UBAC2: variants seen among roughly 807,000 people sequenced by gnomAD.
The protein encoded by UBAC2 is UBA domain containing 2, also known as ubiquitin-associated domain-containing protein 2.
UBAC2 carries 26 observed loss-of-function variants against 44.0 expected under a neutral mutation model. The observed-to-expected ratio is 0.59, with a 90% CI of 0.43 to 0.82. The LOEUF (loss-of-function observed/expected upper bound fraction) is 0.82, where lower values mean the gene tolerates loss of function less well. Among genes scored for constraint, UBAC2 ranks in the 40% least tolerant of loss-of-function variants. UBAC2 has a pLI of 0.00. For missense variants in UBAC2, 329 were observed against 419.4 expected, an observed-to-expected ratio of 0.78 and a Z score of 1.88; for synonymous variants, 155 against 154.3, an observed-to-expected ratio of 1.00 and a Z score of -0.04.
intron 4 of UBAC2, among the ~76,000 whole-genome samples, chr13:99,244,999 A>C (rs1051175951): frequency 6.6e-6 from 1 of 151,858 alleles, no homozygotes; most frequent in South Asian, 2.1e-4. Flanking sequence ...TGCCTGGCTA[A>C]TTTTTGTATT....
rs145840529 is a variant in UBAC2, at chr13:99,370,331, A to G, written c.927+2425A>G. ...AGAAAGCAGCTATGGCCAAATAACAATTGGTGAATCTGGTTAAGGAGGAAT... is the reference window on the plus strand; with the variant it reads ...AGAAAGCAGCTATGGCCAAATAACAGTTGGTGAATCTGGTTAAGGAGGAAT... On this transcript the variant is annotated intron_variant, in intron 8 of 8. Coordinates refer to ENST00000403766, the MANE Select transcript of UBAC2 (RefSeq NM_001144072.2). Among the ~76,000 whole-genome samples the G allele has an allele frequency of 4.4e-3, 669 of 152,324 alleles. 6 individuals are homozygous for G. The highest frequency in any genetic ancestry group is 0.027 in the South Asian group (132 of 4,826).
chr13:99,254,969 G>A lies in UBAC2; in HGVS notation c.389+10345G>A, dbSNP rs367603189. 3.7e-6 allele frequency: 6 copies of A among 1,614,084 alleles called. No individual in the cohort carries two copies. In the Admixed American group the frequency reaches 1.0e-4, roughly 27 times the overall value. On this transcript the variant is annotated intron_variant, in intron 4 of 8. Coordinates refer to ENST00000403766, the MANE Select transcript of UBAC2 (RefSeq NM_001144072.2). ...ATGCTTCGAAGGTAATTACGGTATA[G>A]CATGACACTAATGACTCGAGCCTGA...
chr13:99,292,569 C>T (rs1887702), intron 4 of UBAC2, among the ~76,000 whole-genome samples: 147,978 of 152,256 alleles, frequency 0.97, 72,043 homozygotes, highest in East Asian at 1. Context: ...GAAGATGTTA[C>T]ATAATATATG....
At chr13:99,238,634 C>CTA in intron 2 of UBAC2, 80 bp downstream of exon 2, 2 of 1,315,228 alleles carry the variant, frequency 1.5e-6, no homozygotes, top group Non-Finnish European at 2.0e-6. Context: ...TTTCTTCCTG[C>CTA]TGTTAGTCCC....
chr13:99,296,308 C>G (rs1448454914), intron 4 of UBAC2: 1 of 523,510 alleles, frequency 1.9e-6, no homozygotes, highest in African/African-American at 2.0e-5. Context: ...TCATGACATG[C>G]AATTTTTAAC....
At chr13:99,224,647 C>G (rs1254523133) in intron 1 of UBAC2, among the ~76,000 whole-genome samples, 1 of 140,114 alleles carries the variant, frequency 7.1e-6, no homozygotes, top group African/African-American at 2.7e-5. Flanking sequence ...CACCCATATA[C>G]CCACCACCTA....
At chr13:99,241,094 T>C (rs183055325) in intron 2 of UBAC2, among the ~76,000 whole-genome samples, 77 of 151,680 alleles carry the variant, frequency 5.1e-4, no homozygotes, top group African/African-American at 1.9e-3. Flanking sequence ...CAAAACACCA[T>C]CTCTACAAAA....
At chr13:99,259,573 G>T (rs1026975444) in intron 4 of UBAC2, among the ~76,000 whole-genome samples, 11 of 152,054 alleles carry the variant, frequency 7.2e-5, no homozygotes, top group Admixed American at 7.2e-4. Flanking sequence ...AGTTTCTCCC[G>T]CTGTAATAAC....
intron 1 of UBAC2, among the ~76,000 whole-genome samples, chr13:99,235,870 A>T (rs1424685535): frequency 6.6e-6 from 1 of 152,032 alleles, no homozygotes; most frequent in Non-Finnish European, 1.5e-5. Flanking sequence ...AGGGAGGCTG[A>T]GGTGGGAGGA....
chr13:99,261,266 G>A (rs1167984714), intron 4 of UBAC2, among the ~76,000 whole-genome samples: 1 of 152,236 alleles, frequency 6.6e-6, no homozygotes, highest in Non-Finnish European at 1.5e-5. Context: ...AGAGTCCTCT[G>A]AACTAGAGGA....
chr13:99,204,945 C>T (rs539464338), intron 1 of UBAC2, among the ~76,000 whole-genome samples: 15 of 141,898 alleles, frequency 1.1e-4, no homozygotes, highest in African/African-American at 3.7e-4. Flanking sequence ...TGCTCTGTCG[C>T]CAGGCTGGAG....
intron 7 of UBAC2, among the ~76,000 whole-genome samples, chr13:99,342,823 C>A (rs764268743): frequency 7.2e-5 from 11 of 152,212 alleles, no homozygotes; most frequent in Non-Finnish European, 2.9e-5. Context: ...TTGCCTCAGG[C>A]CACTTCTCTT....
At chr13:99,311,109 C>A (rs988054231) in intron 4 of UBAC2, among the ~76,000 whole-genome samples, 5 of 152,170 alleles carry the variant, frequency 3.3e-5, no homozygotes, top group African/African-American at 1.2e-4. Context: ...TTTATTGAAA[C>A]CTTACTCTAT....
intron 4 of UBAC2, among the ~76,000 whole-genome samples, chr13:99,280,833 CTCT>C (rs765086542): frequency 4.2e-4 from 41 of 97,998 alleles, no homozygotes; most frequent in East Asian, 1.0e-3. Flanking sequence ...TTCTTTCCCT[CTCT>C]CTCTCTCTCT....
intron 4 of UBAC2, among the ~76,000 whole-genome samples, chr13:99,261,504 C>T (rs1490018254): frequency 6.6e-6 from 1 of 152,190 alleles, no homozygotes; most frequent in Admixed American, 6.5e-5. Flanking sequence ...AGTATACCTC[C>T]TTTCTGTTTG....
intron 6 of UBAC2, among the ~76,000 whole-genome samples, chr13:99,325,098 CTTTT>C (rs55672515): frequency 1.2e-5 from 1 of 86,124 alleles, no homozygotes; most frequent in Non-Finnish European, 2.1e-5. Flanking sequence ...TGTCTATGCT[CTTTT>C]TTTTTTTTTT....
At chr13:99,346,774 C>T (rs901896729) in intron 7 of UBAC2, among the ~76,000 whole-genome samples, 7 of 152,194 alleles carry the variant, frequency 4.6e-5, no homozygotes, top group African/African-American at 9.7e-5. Context: ...CTCGTGGCAC[C>T]GCAAACCCGA....
chr13:99,337,583 C>A (rs1450209849), intron 6 of UBAC2, among the ~76,000 whole-genome samples: 1 of 152,114 alleles, frequency 6.6e-6, no homozygotes, highest in African/African-American at 2.4e-5. Context: ...GATTTATATT[C>A]TTTCTTTATT....
rs1234239931 is a variant in UBAC2 at position 99,287,638 on chromosome 13, T to C, written c.390-26459T>C. Reference sequence around the variant, plus strand: ...ATATCTTTCTTTCTTCTTTTTTTTTTCTTTCTTTTTTTTTTTTTTTTTTTT... The same window carrying C: ...ATATCTTTCTTTCTTCTTTTTTTTTCCTTTCTTTTTTTTTTTTTTTTTTTT... On this transcript the variant is annotated intron_variant, in intron 4 of 8. Transcript: ENST00000403766. 2.9e-5 allele frequency among the ~76,000 whole-genome samples: 3 copies of C among 103,558 alleles called. No individual in the cohort carries two copies. In the Admixed American group the frequency reaches 3.2e-4, roughly 11 times the overall value. The allele number at this position is 103,558 out of a possible 152,430, so 67.9% of individuals were successfully genotyped here.
Sources: gnomAD v4.1 joint callset for allele counts (sites outside exome capture counted in the v4.1 genomes callset) on GRCh38, gnomAD v4.1.1 for gene constraint, MANE v1.5 for transcripts, NCBI Gene and HGNC (gene_info 2026-07-23, HGNC 2026-07-21) for gene names.